Variants in EIF4A3 observed in about 807,000 individuals in gnomAD.
The protein encoded by EIF4A3 is eukaryotic translation initiation factor 4A3, also known as eukaryotic initiation factor 4A-III.
A neutral mutation model predicts 55.6 loss-of-function variants in EIF4A3; 1 was observed. The ratio of observed to expected loss-of-function variants is 0.02; its 90% confidence interval spans 0.01 to 0.09. EIF4A3 has a LOEUF of 0.09. Among genes scored for constraint, EIF4A3 ranks in the 10% least tolerant of loss-of-function variants. The pLI is 1.00. For missense variants in EIF4A3, 221 were observed against 540.7 expected, an observed-to-expected ratio of 0.41 and a Z score of 5.86; for synonymous variants, 194 against 196.3, an observed-to-expected ratio of 0.99 and a Z score of 0.10.
chr17:80,140,110 C>T lies in EIF4A3; in HGVS notation c.403G>A (p.Val135Ile), dbSNP rs749434367. Reference sequence around the variant, plus strand: ...CCTCCAATGCAGGCATGGCACTGGACATTCATGTAGTCACCGAGAGCAAGC... The same window carrying T: ...CCTCCAATGCAGGCATGGCACTGGATATTCATGTAGTCACCGAGAGCAAGC... ...GLLALGDYMN[V>I]QCHACIGGTN... Residue 135 changes from valine (V) to isoleucine (I), a missense_variant, in exon 5 of 12, where the codon GTC becomes ATC. Transcript: ENST00000649764. 1.2e-6 allele frequency: 2 copies of T among 1,613,106 alleles called. No homozygotes were observed. The highest frequency in any genetic ancestry group is 2.2e-5 in the South Asian group (2 of 90,986).
intron 11 of EIF4A3, 84 bp downstream of exon 11, chr17:80,135,920 C>A: frequency 6.5e-7 from 1 of 1,542,428 alleles, no homozygotes; most frequent in Non-Finnish European, 8.7e-7. Context: ...AAACCCACAA[C>A]AACAAAAAAA....
chr17:80,135,622 A>G, intron 11 of EIF4A3, 116 bp from the exon 12 acceptor site: 2 of 917,932 alleles, frequency 2.2e-6, no homozygotes, highest in Admixed American at 2.4e-5. Flanking sequence ...CAGGCCAGAC[A>G]TAGTGGCTCA....
In EIF4A3 at chr17:80,138,300, C is replaced by T. The variant is rs1184103598; in HGVS notation, c.729-20G>A. 6.2e-7 allele frequency: 1 copy of T among 1,612,896 alleles called. No individual in the cohort carries two copies. The highest frequency in any genetic ancestry group is 8.5e-7 in the Non-Finnish European group (1 of 1,179,716). ...TCATCACTGAAGGACAAAGACAAAT[C>T]CTGTTACATACTCATCCTTCCTTCT... On this transcript the variant is annotated intron_variant, in intron 7 of 11. Transcript: ENST00000649764.
At position 80,144,161 on chromosome 17, in the gene EIF4A3, G is replaced by C; in HGVS notation, c.242+11C>G. 6.2e-7 allele frequency: 1 copy of C among 1,613,914 alleles called. No homozygotes were observed. The highest frequency in any genetic ancestry group is 8.5e-7 in the Non-Finnish European group (1 of 1,179,892). ...ACATCCAGCCCTGCGCCGCACCCCA[G>C]GACAACTTACTGTGCGATGACATCT... On this transcript the variant is annotated intron_variant, in intron 2 of 11. Transcript: ENST00000649764.
chr17:80,139,886 G>C (rs992789571), intron 5 of EIF4A3, 122 bp downstream of exon 5: 3 of 1,511,482 alleles, frequency 2.0e-6, no homozygotes, highest in Non-Finnish European at 2.7e-6. Context: ...TCTACCTCCT[G>C]CAAGTGACCC....
At chr17:80,141,654 T>A (rs1295311287) in intron 3 of EIF4A3, 128 bp downstream of exon 3, 1 of 907,380 alleles carries the variant, frequency 1.1e-6, no homozygotes, top group Non-Finnish European at 1.7e-6. Context: ...AGACTCTGTG[T>A]AAAAATTTGC....
intron 1 of EIF4A3, among the ~76,000 whole-genome samples, chr17:80,146,550 G>A (rs577950249): frequency 6.6e-6 from 1 of 152,098 alleles, no homozygotes; most frequent in East Asian, 1.9e-4. Context: ...AGCGGCTGCA[G>A]CCCCCGACAG....
At position 80,147,048 on chromosome 17, in the gene EIF4A3, T is replaced by TGC. The variant is rs1012148210; in HGVS notation, c.-89_-88dup. 825 of 1,231,884 alleles carry TGC rather than the reference T, an allele frequency of 6.7e-4. 7 individuals carry two copies. In the African/African-American group the frequency reaches 8.7e-3, roughly 13 times the overall value. The allele number at this position is 1,231,884 out of a possible 1,614,324, so 76.3% of individuals were successfully genotyped here. A position where few individuals can be genotyped will look rare whatever the true frequency, so the allele number is the denominator to read the frequency against. ...CTCGCTGTGCCGCTGCCGACCTCGC[T>TGC]GCCGCTGCCGACCTCGCTGTGCCGC... is the stretch of plus-strand genomic sequence containing the variant. On this transcript the variant is annotated 5_prime_UTR_variant, in exon 1 of 12. Transcript: ENST00000649764.
At chr17:80,136,426 G>T in intron 9 of EIF4A3, 91 bp from the exon 10 acceptor site, 1 of 1,012,260 alleles carries the variant, frequency 9.9e-7, no homozygotes, top group Non-Finnish European at 1.5e-6. Flanking sequence ...AGGAATCCTG[G>T]CTGCAGGTCC....
At chr17:80,146,651 G>A in intron 1 of EIF4A3, 142 bp downstream of exon 1, 1 of 996,636 alleles carries the variant, frequency 1.0e-6, no homozygotes. Flanking sequence ...GGTGGGGGTC[G>A]GACGTCACTG....
At chr17:80,136,973 G>GAC (rs1037396615) in intron 9 of EIF4A3, 1 of 159,484 alleles carries the variant, frequency 6.3e-6, no homozygotes, top group Non-Finnish European at 1.4e-5. Flanking sequence ...AACAAAAAAA[G>GAC]ACACACACAG....
At chr17:80,146,519 A>G (rs949356586) in intron 1 of EIF4A3, among the ~76,000 whole-genome samples, 2 of 152,222 alleles carry the variant, frequency 1.3e-5, no homozygotes, top group Non-Finnish European at 2.9e-5. Flanking sequence ...CTGCTGAATG[A>G]AGGACGCTGA....
intron 10 of EIF4A3, 37 bp from the exon 11 acceptor site, chr17:80,136,168 A>G: frequency 1.2e-6 from 2 of 1,613,662 alleles, no homozygotes; most frequent in Non-Finnish European, 1.7e-6. Flanking sequence ...TAGTATATAT[A>G]ACAATCAAGA....
intron 9 of EIF4A3, 168 bp downstream of exon 9, chr17:80,137,218 G>C (rs150315784): frequency 1.9e-4 from 103 of 550,928 alleles, no homozygotes; most frequent in Middle Eastern, 1.4e-3. Context: ...GGAGCACAGC[G>C]GACCCCTCCT....
At chr17:80,136,588 T>C (rs2039572391) in intron 9 of EIF4A3, 2 of 517,952 alleles carry the variant, frequency 3.9e-6, no homozygotes, top group South Asian at 2.9e-5. Flanking sequence ...CATCTTTTAC[T>C]AGACTATCTT....
chr17:80,138,876 A>G, intron 7 of EIF4A3, 145 bp downstream of exon 7: 2 of 1,091,812 alleles, frequency 1.8e-6, no homozygotes. Flanking sequence ...CACTCAGGCA[A>G]GAGGATAGCC....
At chr17:80,141,711 T>C (rs2143995725) in intron 3 of EIF4A3, 71 bp downstream of exon 3, 4 of 1,475,786 alleles carry the variant, frequency 2.7e-6, no homozygotes, top group Non-Finnish European at 3.8e-6. Flanking sequence ...TTTTGAACAC[T>C]GTAGTTACAG....
In EIF4A3 at chr17:80,136,091, T is replaced by G; in HGVS notation, c.1132A>C (p.Ile378Leu). ...SGRYGRKGVA[I>L]NFVKNDDIRI... ...ATGTCGTCATTCTTTACAAAGTTAA[T>G]GGCCACACCCTTCCGGCCGTATCGA... The change falls in exon 11 of 12, where the codon ATT (isoleucine) becomes CTT (leucine). Residue 378 changes from isoleucine (I) to leucine (L), a missense_variant. By Grantham distance (5) the Ile-to-Leu change is conservative. This residue lies in a region of EIF4A3 where 93 missense variants were observed against 278.5 expected (regional missense o/e 0.33). Transcript: ENST00000649764. The G allele has an allele frequency of 1.2e-6, 2 of 1,614,214 alleles. No homozygotes were observed. Among genetic ancestry groups the G allele is most frequent in the Non-Finnish European group, 1.7e-6 (2 of 1,180,038 alleles).
intron 2 of EIF4A3, 107 bp downstream of exon 2, chr17:80,144,065 G>T: frequency 9.5e-7 from 1 of 1,052,910 alleles, no homozygotes; most frequent in Non-Finnish European, 1.5e-6. Flanking sequence ...GAAAGTGTTG[G>T]AACTGAGCGT....
Sources: gnomAD v4.1 joint callset for allele counts (sites outside exome capture counted in the v4.1 genomes callset) on GRCh38, gnomAD v4.1.1 for gene constraint, gnomAD v4.1.1 regional missense constraint, MANE v1.5 for transcripts, NCBI Gene and HGNC (gene_info 2026-07-23, HGNC 2026-07-21) for gene names.